MCFD2: variants seen among roughly 807,000 people sequenced by gnomAD.
MCFD2 encodes the protein multiple coagulation factor deficiency 2, ER cargo receptor complex subunit, also known as multiple coagulation factor deficiency protein 2.
A neutral mutation model predicts 12.8 loss-of-function variants in MCFD2; 11 were observed. The observed-to-expected ratio is 0.86, with a 90% CI of 0.54 to 1.42. MCFD2 has a LOEUF of 1.42. Among genes scored for constraint, MCFD2 ranks in the 40% most tolerant of loss-of-function variants. MCFD2 has a pLI of 0.00. For missense variants in MCFD2, 191 were observed against 178.6 expected (o/e 1.07, Z -0.40); for synonymous variants, 70 against 68.1 (o/e 1.03, Z -0.14).
chr2:46,905,850 T>C (rs1455641013), intron 3 of MCFD2: 1 of 580,174 alleles, frequency 1.7e-6, no homozygotes, highest in Non-Finnish European at 3.3e-6. Flanking sequence ...TAATCCAGTT[T>C]AGAAATTACA....
chr2:46,933,449 T>A (rs1430417908), intron 1 of MCFD2, among the ~76,000 whole-genome samples: 2 of 152,270 alleles, frequency 1.3e-5, no homozygotes, highest in Non-Finnish European at 2.9e-5. Context: ...AGCTTGCCTT[T>A]GTAGGACTTC....
At chr2:46,923,438 G>A (rs1196208191) in intron 1 of MCFD2, among the ~76,000 whole-genome samples, 2 of 152,180 alleles carry the variant, frequency 1.3e-5, no homozygotes, top group African/African-American at 2.4e-5. Flanking sequence ...AAGGATTGTA[G>A]GAGTTGTATG....
intron 1 of MCFD2, among the ~76,000 whole-genome samples, chr2:46,910,165 A>G (rs1668426136): frequency 1.3e-5 from 2 of 152,234 alleles, no homozygotes; most frequent in Admixed American, 1.3e-4. Context: ...ATTGTGGTCA[A>G]TAAGATGACA....
intron 1 of MCFD2, among the ~76,000 whole-genome samples, chr2:46,912,994 A>G (rs938323881): frequency 6.6e-6 from 1 of 152,174 alleles, no homozygotes; most frequent in African/African-American, 2.4e-5. Context: ...GATGCTTAGT[A>G]TATCAATTTG....
chr2:46,904,078 C>CCTT lies in MCFD2; in HGVS notation c.*1382_*1384dup, dbSNP rs1454459193. ...GTGGCTTCAGAGTGGAAGCCCCAAG[C>CCTT]CTTGGCAGCTTCTATGTGCTGTTAA... On this transcript the variant is annotated 3_prime_UTR_variant, in exon 4 of 4. Coordinates refer to ENST00000319466, the MANE Select transcript of MCFD2 (RefSeq NM_139279.6). The CCTT allele has an allele frequency of 6.6e-6, 1 of 152,202 alleles. No individual in the cohort carries two copies. Among genetic ancestry groups the CCTT allele is most frequent in the African/African-American group, 2.4e-5 (1 of 41,444 alleles). 9.4% of individuals were successfully genotyped at this position (152,202 alleles called of 1,614,324 possible).
Position 46,907,713 on chromosome 2 carries a change from G to A in MCFD2, c.309+97C>T. On this transcript the variant is annotated intron_variant, in intron 3 of 3. Coordinates refer to ENST00000319466, the MANE Select transcript of MCFD2 (RefSeq NM_139279.6). This position sits in a 1 kb window ranked among gnomAD's most constrained non-coding sequence, Gnocchi z 4.1. The stretch of plus-strand genomic sequence containing the variant: ...TGCCCAGTGGAGAAGCAGCACTCTT[G>A]GCACATAAGGACAACACAAGTCAAC... 1 of 1,328,280 alleles carries A rather than the reference G, an allele frequency of 7.5e-7. No individual in the cohort carries two copies. Among genetic ancestry groups the A allele is most frequent in the Non-Finnish European group, 1.1e-6 (1 of 930,456 alleles). 82.3% of individuals were successfully genotyped at this position (1,328,280 alleles called of 1,614,324 possible). A position where few individuals can be genotyped will look rare whatever the true frequency, so the allele number is the denominator to read the frequency against.
chr2:46,919,045 G>T (rs1321063646), upstream of MCFD2, among the ~76,000 whole-genome samples: 1 of 152,168 alleles, frequency 6.6e-6, no homozygotes. Context: ...ATGGCCTCTA[G>T]GTGGCATCTC....
At chr2:46,939,949 T>A (rs1572665493) in intron 1 of MCFD2, among the ~76,000 whole-genome samples, 1 of 151,994 alleles carries the variant, frequency 6.6e-6, no homozygotes, top group African/African-American at 2.4e-5. Context: ...TTCAGAACAG[T>A]CCCCAGGTGC....
In MCFD2 at chr2:46,905,489, C is replaced by G. The variant is rs148748272; in HGVS notation, c.415G>C (p.Ala139Pro). The change falls in exon 4 of 4, where the codon GCT (alanine) becomes CCT (proline). Residue 139 changes from alanine (A) to proline (P), a missense_variant. Ala to Pro is a conservative substitution (Grantham distance 27). Transcript: ENST00000319466. ...TACTGCAGTGATTTTGCAAATTCAG[C>G]ATAGTCAATGTATCCATCATTGTTC... ...DKNNDGYIDY[A>P]EFAKSLQ is the part of the protein sequence containing the mutation. The G allele has an allele frequency of 6.2e-7, 1 of 1,612,882 alleles. No homozygotes were observed. The highest frequency in any genetic ancestry group is 2.2e-5 in the East Asian group (1 of 44,858).
Position 46,941,818 on chromosome 2 carries a change from G to A in MCFD2, c.-254C>T, listed in dbSNP as rs1670427241. On this transcript the variant is annotated 5_prime_UTR_variant, in exon 1 of 3. Coordinates refer to the MCFD2 transcript ENST00000409147. This position sits in a 1 kb window ranked among gnomAD's most constrained non-coding sequence, Gnocchi z 4.2. ...GCGCCCAGACAGTCCTCGGCCGACAGCGGGCGCCTGCCAGCCCACCGTGCT... is the reference window on the plus strand; with the variant it reads ...GCGCCCAGACAGTCCTCGGCCGACAACGGGCGCCTGCCAGCCCACCGTGCT... 1.3e-6 allele frequency: 2 copies of A among 1,481,490 alleles called. No individual in the cohort carries two copies. Among genetic ancestry groups the A allele is most frequent in the Admixed American group, 4.1e-5 (2 of 48,228 alleles). The allele number at this position is 1,481,490 out of a possible 1,614,324, so 91.8% of individuals were successfully genotyped here.
chr2:46,907,775 T>G lies in MCFD2; in HGVS notation c.309+35A>C. On this transcript the variant is annotated intron_variant, in intron 3 of 3. Coordinates refer to ENST00000319466, the MANE Select transcript of MCFD2 (RefSeq NM_139279.6). This position sits in a 1 kb window ranked among gnomAD's most constrained non-coding sequence, Gnocchi z 4.1. ...CCAAATTAACAAAGGGAAGCCTTTC[T>G]GTGATACAGTCCCCCAAGCCACTGC... The G allele has an allele frequency of 6.2e-7, 1 of 1,610,534 alleles. No homozygotes were observed. Among genetic ancestry groups the G allele is most frequent in the Non-Finnish European group, 8.5e-7 (1 of 1,177,096 alleles).
chr2:46,926,217 A>G (rs115598960), intron 1 of MCFD2, among the ~76,000 whole-genome samples: 282 of 152,306 alleles, frequency 1.9e-3, no homozygotes, highest in African/African-American at 6.3e-3. Context: ...ATCTCCTCAG[A>G]GTGGAGCAGT....
intron 1 of MCFD2, chr2:46,913,607 C>G (rs1668572929): frequency 6.6e-6 from 1 of 152,302 alleles, no homozygotes; most frequent in African/African-American, 2.4e-5. Context: ...CCCCAGCTCA[C>G]TGGCCTTCTT....
At chr2:46,906,926 C>CCT (rs920808012) in intron 3 of MCFD2, 2 of 152,220 alleles carry the variant, frequency 1.3e-5, no homozygotes, top group African/African-American at 4.8e-5. Context: ...ACAGCCTCAA[C>CCT]CTCTCAGGTT....
chr2:46,935,775 G>A (rs1312916079), intron 1 of MCFD2, among the ~76,000 whole-genome samples: 11 of 152,066 alleles, frequency 7.2e-5, no homozygotes, highest in Non-Finnish European at 1.5e-5. Flanking sequence ...TCTTGTATTG[G>A]ACCCAAGCTC....
chr2:46,925,488 G>T lies in MCFD2; in HGVS notation c.-8+16084C>A, dbSNP rs372437760. Among the ~76,000 whole-genome samples, 44 of 152,238 alleles carry T rather than the reference G, an allele frequency of 2.9e-4. No individual in the cohort carries two copies. The East Asian group carries it at 5.4e-3, about 19-fold the overall frequency. ...CAGGAGAATCTATTGAACCTGGGAG[G>T]CGGAGGTTGCAGTGAGCTGAGATTA... On this transcript the variant is annotated intron_variant, in intron 1 of 2. Transcript: ENST00000409147.
chr2:46,915,458 G>A (rs918743178), intron 1 of MCFD2, among the ~76,000 whole-genome samples: 6 of 152,188 alleles, frequency 3.9e-5, no homozygotes, highest in African/African-American at 1.4e-4. Context: ...GGTCCCACAG[G>A]CCGATCCTCG....
rs1471937600 is a variant in MCFD2 at position 46,941,641 on chromosome 2, C to T, written c.-77G>A. On this transcript the variant is annotated 5_prime_UTR_variant, in exon 1 of 3. Coordinates refer to the MCFD2 transcript ENST00000409147. The surrounding 1 kb of genome is among the most constrained non-coding windows in gnomAD (Gnocchi z 4.2). ...CTGGGACCGCATGCCGGAGCTGGTC[C>T]GGCAGCTGCAGACGCTGAGCATGCC... The T allele has an allele frequency of 1.3e-6, 2 of 1,553,352 alleles. No homozygotes were observed. The highest frequency in any genetic ancestry group is 1.7e-6 in the Non-Finnish European group (2 of 1,148,832).
intron 1 of MCFD2, 91 bp downstream of exon 1, chr2:46,915,632 A>T: frequency 5.6e-6 from 2 of 356,770 alleles, no homozygotes; most frequent in Non-Finnish European, 7.8e-6. Flanking sequence ...CCCCCAGACT[A>T]CTCCTGCCTC....
Sources: allele counts gnomAD v4.1 joint callset (sites outside exome capture counted in the v4.1 genomes callset), GRCh38; gene constraint gnomAD v4.1.1; non-coding constraint Gnocchi (gnomAD v3.1); transcripts MANE v1.5; gene names NCBI Gene and HGNC (gene_info 2026-07-23, HGNC 2026-07-21).